Variants in PCNT observed in about 807,000 individuals in gnomAD.
PCNT encodes kendrin.
A neutral mutation model predicts 380.4 loss-of-function variants in PCNT; 319 were observed. That is an observed-to-expected ratio of 0.84 (90% CI 0.77 to 0.92). The LOEUF (loss-of-function observed/expected upper bound fraction) is 0.92. PCNT is among the 40% of genes least tolerant of loss of function. The pLI is 0.00. For synonymous variants in PCNT, 1,845 were observed against 1,735.2 expected (o/e 1.06, Z -1.57); for missense variants, 4,400 against 4,255.3 (o/e 1.03, Z -0.95).
chr21:46,338,181 A>T (rs990758614), intron 3 of PCNT, among the ~76,000 whole-genome samples: 5 of 151,906 alleles, frequency 3.3e-5, no homozygotes, highest in Admixed American at 1.3e-4. Flanking sequence ...CCCACCCTAA[A>T]ATTTGCATGC....
chr21:46,444,880 T>C (rs968249787), intron 46 of PCNT, 59 bp downstream of exon 46: 18 of 1,528,226 alleles, frequency 1.2e-5, no homozygotes, highest in Non-Finnish European at 1.5e-5. Context: ...CCTGGAAACG[T>C]AGGGTCTGTT....
Position 46,425,890 on chromosome 21 carries a change from T to A in PCNT, c.7239T>A (p.Leu2413=). The change falls in exon 33 of 47, where the codon CTT becomes CTA. Residue 2413 remains leucine, a synonymous_variant. Coordinates refer to ENST00000359568, the MANE Select transcript of PCNT (RefSeq NM_006031.6). This position sits in a 1 kb window ranked among gnomAD's most constrained non-coding sequence, Gnocchi z 4.2. ...AGATCCTGGCGCTGTCAGAAGGCCTTGCACCCCCAAGCGGCGAGCCACACC... is the reference window on the plus strand; with the variant it reads ...AGATCCTGGCGCTGTCAGAAGGCCTAGCACCCCCAAGCGGCGAGCCACACC... ...SHQILALSEG[L]APPSGEPHPP... is the part of the protein sequence containing the mutation. 6.2e-7 allele frequency: 1 copy of A among 1,613,800 alleles called. No individual in the cohort carries two copies. Among genetic ancestry groups the A allele is most frequent in the South Asian group, 1.1e-5 (1 of 91,078 alleles).
chr21:46,368,394 T>G (rs938523417), intron 15 of PCNT, among the ~76,000 whole-genome samples: 4 of 150,160 alleles, frequency 2.7e-5, no homozygotes, highest in South Asian at 2.1e-4. Flanking sequence ...CTTGCAGTGA[T>G]CCGAGATCGC....
rs140463648 is a variant in PCNT at position 46,334,067 on chromosome 21, T to C, written c.268-330T>C. Among the ~76,000 whole-genome samples, 1,451 of 151,912 alleles carry C rather than the reference T, an allele frequency of 9.6e-3. 16 individuals are homozygous for C. Among genetic ancestry groups the C allele is most frequent in the African/African-American group, 0.034 (1,393 of 41,426 alleles). ...TAAAAATACAAAAATTAGCTGGGCG[T>C]GGTGGCGGGCACCCATAGTCCCAGC... On this transcript the variant is annotated intron_variant, in intron 2 of 46. Transcript: ENST00000359568.
rs931352463 is a variant in PCNT, at chr21:46,416,696, C to T, written c.6778C>T (p.Leu2260=). 6.4e-7 allele frequency: 1 copy of T among 1,568,420 alleles called. No individual in the cohort carries two copies. The highest frequency in any genetic ancestry group is 8.6e-7 in the Non-Finnish European group (1 of 1,156,678). ...ALSLCSADTS[L]GDRADTSLPQ... is the part of the protein sequence containing the mutation. The stretch of plus-strand genomic sequence containing the variant: ...GAGCCTGTGCAGTGCCGACACATCC[C>T]TGGGGGACAGGGCGGACACCTCGCT... The change falls in exon 30 of 47, where the codon CTG becomes TTG. Residue 2260 remains leucine (L), a synonymous_variant. Coordinates refer to ENST00000359568, the MANE Select transcript of PCNT (RefSeq NM_006031.6).
At position 46,431,754 on chromosome 21, in the gene PCNT, G is replaced by A. The variant is rs372871511; in HGVS notation, c.8290G>A (p.Glu2764Lys). The A allele has an allele frequency of 5.6e-6, 9 of 1,612,526 alleles. No homozygotes were observed. Among genetic ancestry groups the A allele is most frequent in the Middle Eastern group, 1.7e-4 (1 of 6,056 alleles). The part of the protein sequence containing the change: ...TLELSEALRH[E>K]RLLTEQLSQR... ...GGAGCTGTCAGAGGCCTTGCGGCAC[G>A]AGCGGCTCCTGACCGAGCAGCTGAG... The change falls in exon 38 of 47, where the codon GAG (glutamate) becomes AAG (lysine). Residue 2764 changes from glutamate to lysine, a missense_variant. Transcript: ENST00000359568.
intron 24 of PCNT, among the ~76,000 whole-genome samples, chr21:46,399,286 GCCTGTGAGTCTGGGTCTCTTTT>G: frequency 1.3e-5 from 1 of 75,060 alleles, no homozygotes; most frequent in Non-Finnish European, 2.6e-5. Context: ...TCTCTGTTCA[GCCTGTGAGTCTGGGTCTCTTTT>G]CAGCCTGTGG....
intron 31 of PCNT, among the ~76,000 whole-genome samples, chr21:46,418,803 C>T (rs753912011): frequency 7.2e-5 from 11 of 152,208 alleles, no homozygotes. Flanking sequence ...GGAGAGGAGC[C>T]GAGGGGCCGC....
intron 16 of PCNT, among the ~76,000 whole-genome samples, chr21:46,384,466 G>C (rs1290881439): frequency 1.4e-5 from 2 of 146,030 alleles, no homozygotes; most frequent in Non-Finnish European, 3.0e-5. Flanking sequence ...ACGGTGTTGT[G>C]CATTCAGTGG....
At position 46,385,917 on chromosome 21, in the gene PCNT, A is replaced by G. The variant is rs1601920296; in HGVS notation, c.3398A>G (p.Glu1133Gly). ...LEVLQQRRERENREGANLLSM... is the reference protein window; with the variant it reads ...LEVLQQRRERGNREGANLLSM... ...GTGCTGCAGCAGAGGCGGGAGCGGG[A>G]GAACCGGGAAGGCGCAAACCTCCTC... The change falls in exon 17 of 47, where the codon GAG becomes GGG. Residue 1133 changes from glutamate (E) to glycine (G), a missense_variant. Coordinates refer to ENST00000359568, the MANE Select transcript of PCNT (RefSeq NM_006031.6). 2 of 1,614,086 alleles carry G rather than the reference A, an allele frequency of 1.2e-6. No individual in the cohort carries two copies. Among genetic ancestry groups the G allele is most frequent in the African/African-American group, 2.7e-5 (2 of 74,930 alleles).
At chr21:46,434,218 C>G (rs2087875646) in intron 38 of PCNT, among the ~76,000 whole-genome samples, 1 of 152,228 alleles carries the variant, frequency 6.6e-6, no homozygotes, top group African/African-American at 2.4e-5. Flanking sequence ...CTCATTAGTT[C>G]CTCTGTATCT....
At chr21:46,371,793 A>G (rs2085136251) in intron 15 of PCNT, among the ~76,000 whole-genome samples, 1 of 152,140 alleles carries the variant, frequency 6.6e-6, no homozygotes, top group African/African-American at 2.4e-5. Flanking sequence ...CACACACAGC[A>G]CATGTGCACA....
chr21:46,420,655 C>G (rs571330994), intron 31 of PCNT: 1 of 151,976 alleles, frequency 6.6e-6, no homozygotes, highest in African/African-American at 2.4e-5. Flanking sequence ...TCTGACCACC[C>G]GCTGGCGGCA....
chr21:46,348,953 A>T, intron 6 of PCNT, 59 bp from the exon 7 acceptor site: 2 of 1,184,672 alleles, frequency 1.7e-6, no homozygotes, highest in Non-Finnish European at 2.5e-6. Flanking sequence ...TGTGTGATTT[A>T]AATTTCTTTA....
intron 4 of PCNT, 121 bp from the exon 5 acceptor site, chr21:46,346,622 G>C: frequency 7.9e-7 from 1 of 1,270,146 alleles, no homozygotes; most frequent in Non-Finnish European, 1.1e-6. Flanking sequence ...TGCTTCCACG[G>C]GATGTCTGCT....
rs756308380 is a variant in PCNT, at chr21:46,416,412, A to G, written c.6494A>G (p.Asn2165Ser). Residue 2165 changes from asparagine (N) to serine (S), a missense_variant, in exon 30 of 47, where the codon AAT (asparagine) becomes AGT (serine). Asn to Ser is a conservative substitution (Grantham distance 46). Transcript: ENST00000359568. ...TPGGVTDVIK[N>S]WDSLIPDEMP... Reference sequence around the variant, plus strand: ...GGGGGTGTAACTGATGTTATCAAAAATTGGGATTCCTTGATACCAGATGAA... The same window carrying G: ...GGGGGTGTAACTGATGTTATCAAAAGTTGGGATTCCTTGATACCAGATGAA... 3.1e-6 allele frequency: 5 copies of G among 1,614,220 alleles called. No homozygotes were observed. Among genetic ancestry groups the G allele is most frequent in the Non-Finnish European group, 4.2e-6 (5 of 1,180,038 alleles).
chr21:46,359,491 G>T (rs13050672), intron 13 of PCNT, among the ~76,000 whole-genome samples: 32,586 of 64,622 alleles, frequency 0.5, 10,512 homozygotes, highest in Non-Finnish European at 0.66. Context: ...TTTTTTTTTT[G>T]TTTTTTTTTT....
intron 40 of PCNT, among the ~76,000 whole-genome samples, chr21:46,437,747 G>T (rs1480452811): frequency 6.6e-6 from 1 of 152,128 alleles, no homozygotes; most frequent in Admixed American, 6.5e-5. Context: ...GCTGAACGTC[G>T]TTGTGGGTGG....
chr21:46,331,549 C>G (rs1347381868), intron 2 of PCNT, among the ~76,000 whole-genome samples: 1 of 152,138 alleles, frequency 6.6e-6, no homozygotes, highest in African/African-American at 2.4e-5. Context: ...GGCATGGTGG[C>G]TCCGAGCACT....
Sources: allele counts gnomAD v4.1 joint callset (sites outside exome capture counted in the v4.1 genomes callset), GRCh38; gene constraint gnomAD v4.1.1; non-coding constraint Gnocchi (gnomAD v3.1); transcripts MANE v1.5; gene names NCBI Gene and HGNC (gene_info 2026-07-23, HGNC 2026-07-21).